The following FGF10 variants were observed in gnomAD, a reference collection of about 807,000 sequenced individuals.
The protein encoded by FGF10 is fibroblast growth factor 10, also known as FGF-10.
FGF10 carries 2 observed loss-of-function variants against 19.8 expected under a neutral mutation model. The observed-to-expected ratio is 0.10, with a 90% CI of 0.04 to 0.32. The LOEUF (loss-of-function observed/expected upper bound fraction) is 0.32, where lower values mean the gene tolerates loss of function less well. FGF10 is among the 10% of genes least tolerant of loss of function. The pLI, the probability that FGF10 is intolerant of heterozygous loss-of-function variation, is 1.00. For missense variants in FGF10, 191 were observed against 246.3 expected (o/e 0.78, Z 1.50); for synonymous variants, 112 against 94.0 (o/e 1.19, Z -1.10).
At chr5:44,307,366 G>A (rs971451362) in intron 2 of FGF10, among the ~76,000 whole-genome samples, 3 of 152,022 alleles carry the variant, frequency 2.0e-5, no homozygotes, top group African/African-American at 7.2e-5. Context: ...AAGAAGTTTG[G>A]ATTTTTTCCA....
At position 44,304,896 on chromosome 5, in the gene FGF10, C is replaced by T. The variant is rs555349913; in HGVS notation, c.*99G>A. ...CTTTTAAGCAAGCAGACATCTGCAA[C>T]GTGTCTTTGCCTTTCAATCTACTGT... On this transcript the variant is annotated 3_prime_UTR_variant, in exon 3 of 3. Transcript: ENST00000264664. The T allele has an allele frequency of 5.8e-5, 70 of 1,216,256 alleles. No individual in the cohort carries two copies. The highest frequency in any genetic ancestry group is 2.6e-4 in the East Asian group (11 of 42,942). The allele number at this position is 1,216,256 out of a possible 1,614,324, so 75.3% of individuals were successfully genotyped here.
intron 1 of FGF10, among the ~76,000 whole-genome samples, chr5:44,356,842 C>A (rs1451598388): frequency 3.3e-5 from 5 of 151,160 alleles, no homozygotes; most frequent in Non-Finnish European, 4.4e-5. Context: ...AAGGGCAAGG[C>A]AGCCTTATCA....
chr5:44,315,933 C>T (rs571298156), intron 1 of FGF10, among the ~76,000 whole-genome samples: 23 of 152,244 alleles, frequency 1.5e-4, no homozygotes, highest in African/African-American at 5.1e-4. Context: ...AGCCTCAAAA[C>T]ATTATGGGAA....
At chr5:44,386,726 C>T (rs924470213) in intron 1 of FGF10, among the ~76,000 whole-genome samples, 3 of 151,976 alleles carry the variant, frequency 2.0e-5, no homozygotes, top group Admixed American at 1.3e-4. Flanking sequence ...TAAAATGAAA[C>T]ACTTTAAAAG....
chr5:44,373,519 T>G (rs139619390), intron 1 of FGF10, among the ~76,000 whole-genome samples: 6 of 152,324 alleles, frequency 3.9e-5, no homozygotes, highest in Non-Finnish European at 8.8e-5. Context: ...TTTCCTCAGC[T>G]AAATATCCAA....
At chr5:44,333,945 C>T (rs1221051439) in intron 1 of FGF10, among the ~76,000 whole-genome samples, 2 of 152,050 alleles carry the variant, frequency 1.3e-5, no homozygotes, top group Non-Finnish European at 2.9e-5. Flanking sequence ...TGGTTCCCTA[C>T]TCTACCCCTT....
At chr5:44,366,260 T>C (rs534526865) in intron 1 of FGF10, among the ~76,000 whole-genome samples, 2 of 151,880 alleles carry the variant, frequency 1.3e-5, no homozygotes, top group East Asian at 3.9e-4. Flanking sequence ...ATTTATCTTT[T>C]ATGCTTTGTT....
intron 1 of FGF10, among the ~76,000 whole-genome samples, chr5:44,340,001 A>C (rs562936808): frequency 5.9e-5 from 9 of 152,260 alleles, no homozygotes; most frequent in Non-Finnish European, 1.3e-4. Context: ...GATTTATGAG[A>C]GGCTGGGAGT....
At chr5:44,383,557 T>A (rs1006432959) in intron 1 of FGF10, among the ~76,000 whole-genome samples, 3 of 152,120 alleles carry the variant, frequency 2.0e-5, no homozygotes, top group African/African-American at 7.2e-5. Flanking sequence ...TCCTGACAAC[T>A]GTTTCCTTAG....
At chr5:44,350,508 G>A (rs1221497542) in intron 1 of FGF10, among the ~76,000 whole-genome samples, 2 of 150,382 alleles carry the variant, frequency 1.3e-5, no homozygotes, top group Admixed American at 6.6e-5. Flanking sequence ...CTAACAATGG[G>A]CATGCAATAC....
intron 1 of FGF10, among the ~76,000 whole-genome samples, chr5:44,363,358 AT>A (rs1393122590): frequency 6.6e-6 from 1 of 151,898 alleles, no homozygotes; most frequent in South Asian, 2.1e-4. Context: ...AAGAAATGAA[AT>A]GGGAATTTTA....
chr5:44,341,876 C>T (rs751126872), intron 1 of FGF10, among the ~76,000 whole-genome samples: 13 of 151,686 alleles, frequency 8.6e-5, no homozygotes, highest in Non-Finnish European at 1.6e-4. Flanking sequence ...GTAAGTAATA[C>T]ATTATTTAAG....
chr5:44,336,371 T>C lies in FGF10; in HGVS notation c.326-25841A>G, dbSNP rs17227850. Among the ~76,000 whole-genome samples, 589 of 152,262 alleles carry C rather than the reference T, an allele frequency of 3.9e-3. 6 individuals carry two copies. The highest frequency in any genetic ancestry group is 0.013 in the African/African-American group (534 of 41,584). ...AGTTTATATATTTTATTCTCGTCTT[T>C]TTGTGGTTTGATTTCATAATATTCA... On this transcript the variant is annotated intron_variant, in intron 1 of 2. Coordinates refer to ENST00000264664, the MANE Select transcript of FGF10 (RefSeq NM_004465.2).
At chr5:44,337,279 G>T (rs1414602980) in intron 1 of FGF10, among the ~76,000 whole-genome samples, 2 of 151,958 alleles carry the variant, frequency 1.3e-5, no homozygotes, top group African/African-American at 4.8e-5. Flanking sequence ...TTAATTAATT[G>T]AATTCCACAG....
intron 1 of FGF10, among the ~76,000 whole-genome samples, chr5:44,350,023 CT>C (rs1192760201): frequency 6.6e-6 from 1 of 150,804 alleles, no homozygotes; most frequent in East Asian, 2.0e-4. Context: ...AGGTTCATTC[CT>C]TTTTTAAAAT....
At chr5:44,345,435 G>A (rs1741067111) in intron 1 of FGF10, among the ~76,000 whole-genome samples, 1 of 151,692 alleles carries the variant, frequency 6.6e-6, no homozygotes, top group Non-Finnish European at 1.5e-5. Flanking sequence ...TAACCAAAGT[G>A]AATGACCATT....
Position 44,323,369 on chromosome 5 carries a change from T to C in FGF10, c.326-12839A>G, listed in dbSNP as rs991428180. On this transcript the variant is annotated intron_variant, in intron 1 of 2. Coordinates refer to ENST00000264664, the MANE Select transcript of FGF10 (RefSeq NM_004465.2). ...AAAGGGTTTTCCTGGTGCTTAAAAATTGTATTTTAAGAAAGTAATTAAACA... is the reference window on the plus strand; with the variant it reads ...AAAGGGTTTTCCTGGTGCTTAAAAACTGTATTTTAAGAAAGTAATTAAACA... Among the ~76,000 whole-genome samples the C allele has an allele frequency of 7.2e-5, 11 of 152,270 alleles. No homozygotes were observed. The East Asian group carries it at 2.1e-3, about 29-fold the overall frequency.
chr5:44,313,114 T>C (rs1356552610), intron 1 of FGF10, among the ~76,000 whole-genome samples: 2 of 152,106 alleles, frequency 1.3e-5, no homozygotes, highest in East Asian at 3.8e-4. Flanking sequence ...ATTATTTAGT[T>C]ATTGTTTCAA....
At chr5:44,320,035 G>A (rs1740446858) in intron 1 of FGF10, among the ~76,000 whole-genome samples, 1 of 152,134 alleles carries the variant, frequency 6.6e-6, no homozygotes, top group Non-Finnish European at 1.5e-5. Flanking sequence ...GATTCTCATA[G>A]GAGCTCGAAC....
Sources: allele counts gnomAD v4.1 joint callset (sites outside exome capture counted in the v4.1 genomes callset), GRCh38; gene constraint gnomAD v4.1.1; transcripts MANE v1.5; gene names NCBI Gene and HGNC (gene_info 2026-07-23, HGNC 2026-07-21).